Variants in FRAS1 observed in about 807,000 individuals in gnomAD.
The protein encoded by FRAS1 is Fraser extracellular matrix complex subunit 1, also known as extracellular matrix organizing protein FRAS1.
In FRAS1, 290 loss-of-function variants were observed where a neutral mutation model predicts 435.2. That is an observed-to-expected ratio of 0.67 (90% confidence interval 0.61 to 0.73). The LOEUF (loss-of-function observed/expected upper bound fraction) is 0.73. FRAS1 is among the 30% of genes least tolerant of loss of function. The pLI is 0.00. For synonymous variants in FRAS1, 1,800 were observed against 1,851.0 expected (o/e 0.97, Z 0.71); for missense variants, 4,860 against 5,001.5 (o/e 0.97, Z 0.85).
At chr4:78,432,811 A>G (rs1255643130) in intron 38 of FRAS1, among the ~76,000 whole-genome samples, 1 of 152,216 alleles carries the variant, frequency 6.6e-6, no homozygotes, top group Non-Finnish European at 1.5e-5. Flanking sequence ...AGACAAGTGA[A>G]TGAGAAAACA....
intron 35 of FRAS1, among the ~76,000 whole-genome samples, chr4:78,427,325 C>T (rs1268698048): frequency 1.3e-5 from 2 of 152,164 alleles, no homozygotes; most frequent in South Asian, 4.1e-4. Context: ...AATGTACCCC[C>T]TCAACCTTGG....
intron 30 of FRAS1, among the ~76,000 whole-genome samples, chr4:78,404,674 C>T (rs1733033067): frequency 1.3e-5 from 2 of 152,188 alleles, no homozygotes; most frequent in South Asian, 4.1e-4. Context: ...TGTCAAGTTC[C>T]ATTGCTCCCA....
chr4:78,455,813 A>C (rs2109839171), intron 47 of FRAS1, among the ~76,000 whole-genome samples: 1 of 152,306 alleles, frequency 6.6e-6, no homozygotes, highest in East Asian at 1.9e-4. Flanking sequence ...GTTTCCCTCT[A>C]TCAGTAGACC....
chr4:78,334,368 T>C (rs1478102704), intron 19 of FRAS1, among the ~76,000 whole-genome samples: 6 of 96,568 alleles, frequency 6.2e-5, no homozygotes, highest in East Asian at 2.2e-4. Flanking sequence ...ATTTTCTTTT[T>C]TTTTTTTTTT....
intron 1 of FRAS1, among the ~76,000 whole-genome samples, chr4:78,061,344 C>CT (rs1739752092): frequency 6.6e-6 from 1 of 152,138 alleles, no homozygotes; most frequent in African/African-American, 2.4e-5. Flanking sequence ...TCTACCATGG[C>CT]TTTTTCTGGA....
At chr4:78,333,207 TAG>T (rs1470694140) in intron 18 of FRAS1, 63 bp from the exon 19 acceptor site, 21 of 1,529,216 alleles carry the variant, frequency 1.4e-5, no homozygotes, top group African/African-American at 4.2e-5. Context: ...ATGGGAGAGA[TAG>T]AGTTACTGTC....
intron 20 of FRAS1, among the ~76,000 whole-genome samples, chr4:78,356,348 TC>T (rs1730857072): frequency 6.6e-6 from 1 of 151,928 alleles, no homozygotes; most frequent in Non-Finnish European, 1.5e-5. Flanking sequence ...AATAACCTTT[TC>T]CCCCCTCTAA....
At position 78,077,905 on chromosome 4, in the gene FRAS1, T is replaced by TA. The variant is rs61014553; in HGVS notation, c.108+11902dup. ...TACTGAAAGCAATACAGCCTTGTTC[T>TA]AAAAAAAAAAAAACAGCAAATATAA... is the stretch of plus-strand genomic sequence containing the variant. On this transcript the variant is annotated intron_variant, in intron 2 of 73. Transcript: ENST00000512123. 4.3e-3 allele frequency among the ~76,000 whole-genome samples: 596 copies of TA among 137,074 alleles called. 3 individuals carry two copies. Among genetic ancestry groups the TA allele is most frequent in the Middle Eastern group, 0.011 (3 of 270 alleles). 89.9% of individuals were successfully genotyped at this position (137,074 alleles called of 152,430 possible).
intron 20 of FRAS1, among the ~76,000 whole-genome samples, chr4:78,360,073 AG>A (rs554309873): frequency 6.6e-6 from 1 of 152,186 alleles, no homozygotes; most frequent in Non-Finnish European, 1.5e-5. Flanking sequence ...GGATAGAAAA[AG>A]TTAAAGGCTG....
At chr4:78,512,784 T>C (rs11940228) in intron 64 of FRAS1, among the ~76,000 whole-genome samples, 21,969 of 152,140 alleles carry the variant, frequency 0.14, 1,908 homozygotes, top group Non-Finnish European at 0.21. Context: ...CACTGCAGAT[T>C]GAGGCTGGCG....
At chr4:78,312,658 C>T (rs1418264663) in intron 15 of FRAS1, among the ~76,000 whole-genome samples, 3 of 151,452 alleles carry the variant, frequency 2.0e-5, no homozygotes, top group African/African-American at 7.3e-5. Flanking sequence ...GAGACCTCAT[C>T]TCTACTAAAA....
At chr4:78,091,817 T>G (rs569086754) in intron 2 of FRAS1, among the ~76,000 whole-genome samples, 56 of 151,712 alleles carry the variant, frequency 3.7e-4, no homozygotes, top group Admixed American at 6.6e-4. Flanking sequence ...ACCACCACAT[T>G]TGACCAAATG....
In FRAS1 at chr4:78,075,571, C is replaced by G. The variant is rs1740600039; in HGVS notation, c.108+9555C>G. ...GCAGCACCATGGTGAAGTGGCAGAG[C>G]TCCAGATTCTTGGATTTAAGTCTGA... is the stretch of plus-strand genomic sequence containing the variant. On this transcript the variant is annotated intron_variant, in intron 2 of 73. Coordinates refer to ENST00000512123, the MANE Select transcript of FRAS1 (RefSeq NM_025074.7). 2.0e-5 allele frequency among the ~76,000 whole-genome samples: 3 copies of G among 152,160 alleles called. No individual in the cohort carries two copies. In the South Asian group the frequency reaches 6.2e-4, roughly 32 times the overall value.
At position 78,522,802 on chromosome 4, in the gene FRAS1, A is replaced by T; in HGVS notation, c.10802A>T (p.Tyr3601Phe). ...PHQLWRATSS[Y>F]NRKDYSGEYT... ...CAACTCTGGAGAGCCACAAGCTCTT[A>T]TAACAGGTAAATACAGTGATGGAGG... is the stretch of plus-strand genomic sequence containing the variant. The change falls in exon 69 of 74, where the codon TAT becomes TTT. Residue 3601 changes from tyrosine to phenylalanine, a missense_variant. Transcript: ENST00000512123. The T allele has an allele frequency of 1.9e-6, 3 of 1,608,888 alleles. No homozygotes were observed. Among genetic ancestry groups the T allele is most frequent in the Non-Finnish European group, 2.5e-6 (3 of 1,177,830 alleles).
intron 70 of FRAS1, among the ~76,000 whole-genome samples, chr4:78,530,203 C>G (rs1409552638): frequency 6.6e-6 from 1 of 151,674 alleles, no homozygotes; most frequent in Non-Finnish European, 1.5e-5. Flanking sequence ...AGGGTAGGTT[C>G]TGGATTTTTT....
At chr4:78,198,249 T>C (rs9991361) in intron 2 of FRAS1, among the ~76,000 whole-genome samples, 145,876 of 152,312 alleles carry the variant, frequency 0.96, 70,163 homozygotes, top group East Asian at 1. Flanking sequence ...CAGCCTTCAG[T>C]CAGTAACTCC....
At chr4:78,331,120 A>G (rs954799244) in intron 18 of FRAS1, among the ~76,000 whole-genome samples, 1 of 152,238 alleles carries the variant, frequency 6.6e-6, no homozygotes, top group East Asian at 1.9e-4. Context: ...AGATTCCCCG[A>G]TAATAGGGCT....
intron 67 of FRAS1, 132 bp downstream of exon 67, chr4:78,519,613 C>A: frequency 1.0e-6 from 1 of 999,826 alleles, no homozygotes; most frequent in Non-Finnish European, 1.5e-6. Context: ...GGGGCCACCT[C>A]AAAGTGCAGA....
In FRAS1 at chr4:78,152,746, T is replaced by C. The variant is rs149568029; in HGVS notation, c.109-84764T>C. On this transcript the variant is annotated intron_variant, in intron 2 of 73. Transcript: ENST00000512123. ...ATTGACTGATTCCCCAGACACTTGTTGAGGTCTCACTGTGTGCTGAAGCAC... is the reference window on the plus strand; with the variant it reads ...ATTGACTGATTCCCCAGACACTTGTCGAGGTCTCACTGTGTGCTGAAGCAC... Among the ~76,000 whole-genome samples, 216 of 152,152 alleles carry C rather than the reference T, an allele frequency of 1.4e-3. 2 individuals carry two copies. Among genetic ancestry groups the C allele is most frequent in the African/African-American group, 5.0e-3 (207 of 41,526 alleles).
Sources: allele counts gnomAD v4.1 joint callset (sites outside exome capture counted in the v4.1 genomes callset), GRCh38; gene constraint gnomAD v4.1.1; transcripts MANE v1.5; gene names NCBI Gene and HGNC (gene_info 2026-07-23, HGNC 2026-07-21).